Variants in METTL16 observed in about 807,000 individuals in gnomAD.
METTL16 encodes the protein methyltransferase 16, RNA N6-adenosine, also known as RNA N(6)-adenosine-methyltransferase METTL16.
Under a neutral mutation model 57.9 loss-of-function variants are expected in METTL16, and 19 were observed. That is an observed-to-expected ratio of 0.33 (90% CI 0.23 to 0.48). The LOEUF is 0.48. Ranked by LOEUF, METTL16 falls within the 20% of genes least tolerant of loss-of-function variation. The pLI is 0.99. For missense variants in METTL16, 434 were observed against 691.5 expected (o/e 0.63, Z 4.18); for synonymous variants, 246 against 255.6 (o/e 0.96, Z 0.36).
rs533874153 is a variant in METTL16, at chr17:2,467,498, C to T, written c.585+263G>A. Among the ~76,000 whole-genome samples, 7 of 152,066 alleles carry T rather than the reference C, an allele frequency of 4.6e-5. No homozygotes were observed. In the East Asian group the frequency reaches 7.7e-4, roughly 17 times the overall value. ...TGGAGTGCAATGGCGCAATCTTGGC[C>T]CACTGCAACCTCTGCCTCCCGGGTT... On this transcript the variant is annotated intron_variant, in intron 5 of 9. Coordinates refer to ENST00000263092, the MANE Select transcript of METTL16 (RefSeq NM_024086.4).
chr17:2,484,847 G>A (rs1360226570), intron 2 of METTL16, among the ~76,000 whole-genome samples: 1 of 152,110 alleles, frequency 6.6e-6, no homozygotes, highest in Non-Finnish European at 1.5e-5. Flanking sequence ...GGTTTTGCCA[G>A]CTCTCTAATA....
chr17:2,474,521 C>A (rs2067256852), intron 3 of METTL16, among the ~76,000 whole-genome samples: 1 of 151,982 alleles, frequency 6.6e-6, no homozygotes, highest in South Asian at 2.1e-4. Context: ...AAGGGAAGCA[C>A]TCAAGAGGCA....
chr17:2,463,708 C>G lies in METTL16; in HGVS notation c.728+500G>C, dbSNP rs145104561. ...AACTCCTAACCTTCTGATCTGCCCA[C>G]CTCGGCCTCCCAAAGTGCTGGGATT... On this transcript the variant is annotated intron_variant, in intron 6 of 9. Transcript: ENST00000263092. 6.4e-4 allele frequency among the ~76,000 whole-genome samples: 98 copies of G among 152,052 alleles called. 1 individual carries two copies. Among genetic ancestry groups the G allele is most frequent in the African/African-American group, 2.3e-3 (96 of 41,512 alleles).
At chr17:2,472,150 T>C (rs1162739748) in intron 4 of METTL16, among the ~76,000 whole-genome samples, 1 of 146,380 alleles carries the variant, frequency 6.8e-6, no homozygotes, top group Non-Finnish European at 1.5e-5. Flanking sequence ...TGAACAGACA[T>C]CTCACCAAAA....
intron 1 of METTL16, among the ~76,000 whole-genome samples, chr17:2,510,619 T>C (rs1442129977): frequency 1.3e-5 from 2 of 152,194 alleles, no homozygotes; most frequent in Non-Finnish European, 2.9e-5. Flanking sequence ...AATGAGTTCT[T>C]AGCTAAATAT....
intron 5 of METTL16, among the ~76,000 whole-genome samples, chr17:2,466,564 G>C (rs1460946304): frequency 1.3e-5 from 2 of 152,112 alleles, no homozygotes; most frequent in Non-Finnish European, 2.9e-5. Context: ...TGGGTTTTTA[G>C]GTACAGGACT....
chr17:2,428,745 A>G (rs1375123884), intron 8 of METTL16, among the ~76,000 whole-genome samples: 1 of 147,344 alleles, frequency 6.8e-6, no homozygotes, highest in African/African-American at 2.5e-5. Context: ...TAATAAAAAG[A>G]AAAAAAAAAG....
intron 6 of METTL16, among the ~76,000 whole-genome samples, chr17:2,441,858 T>C (rs2066954880): frequency 6.6e-6 from 1 of 152,198 alleles, no homozygotes; most frequent in African/African-American, 2.4e-5. Context: ...TCTGTCATGC[T>C]TACAACGAAG....
intron 6 of METTL16, chr17:2,455,309 A>T (rs1256739721): frequency 6.6e-6 from 1 of 152,074 alleles, no homozygotes; most frequent in East Asian, 1.9e-4. Context: ...ACTGGTCTCA[A>T]CTCCTGACCT....
At chr17:2,506,256 C>G in intron 1 of METTL16, among the ~76,000 whole-genome samples, 1 of 126,950 alleles carries the variant, frequency 7.9e-6, no homozygotes, top group South Asian at 3.2e-4. Flanking sequence ...CCCTCCCCCT[C>G]CCCCTCCCTC....
chr17:2,433,807 A>G (rs767097714), intron 8 of METTL16, among the ~76,000 whole-genome samples: 31 of 152,122 alleles, frequency 2.0e-4, no homozygotes, highest in Admixed American at 1.2e-3. Context: ...AACATACAAC[A>G]AACACTGGGA....
chr17:2,495,347 AAAG>A (rs1447986927), intron 2 of METTL16, among the ~76,000 whole-genome samples: 4 of 151,986 alleles, frequency 2.6e-5, no homozygotes, highest in African/African-American at 9.7e-5. Flanking sequence ...ACAAAAAATA[AAAG>A]AACATTTGGG....
At chr17:2,474,363 T>C (rs1203401258) in intron 3 of METTL16, among the ~76,000 whole-genome samples, 1 of 147,408 alleles carries the variant, frequency 6.8e-6, no homozygotes, top group Non-Finnish European at 1.5e-5. Context: ...TGTCTGTAAG[T>C]TGTCAGCTGA....
At chr17:2,435,881 G>A (rs1174970984) in intron 8 of METTL16, among the ~76,000 whole-genome samples, 1 of 152,124 alleles carries the variant, frequency 6.6e-6, no homozygotes, top group Non-Finnish European at 1.5e-5. Flanking sequence ...AAACAGAGGA[G>A]AGGAGGGGAG....
chr17:2,493,957 T>C (rs1164183111), intron 2 of METTL16, among the ~76,000 whole-genome samples: 2 of 152,202 alleles, frequency 1.3e-5, no homozygotes, highest in Non-Finnish European at 2.9e-5. Flanking sequence ...TCCTCAAGAC[T>C]GCCGTATCCT....
At chr17:2,496,515 T>A (rs564670053) in intron 2 of METTL16, among the ~76,000 whole-genome samples, 1 of 151,768 alleles carries the variant, frequency 6.6e-6, no homozygotes, top group Middle Eastern at 3.2e-3. Flanking sequence ...GTCTTCATCT[T>A]CACTGAAAGT....
chr17:2,442,691 C>T (rs929181785), intron 6 of METTL16, among the ~76,000 whole-genome samples: 2 of 152,174 alleles, frequency 1.3e-5, no homozygotes, highest in South Asian at 2.1e-4. Flanking sequence ...GGGGACGTCC[C>T]GCAGGTCCTA....
At chr17:2,476,561 G>T (rs1050815118) in intron 3 of METTL16, among the ~76,000 whole-genome samples, 2 of 152,166 alleles carry the variant, frequency 1.3e-5, no homozygotes, top group African/African-American at 4.8e-5. Context: ...AATAAATGCC[G>T]CTGAAAAGAT....
chr17:2,491,337 C>G (rs573506667), intron 2 of METTL16, among the ~76,000 whole-genome samples: 1 of 152,206 alleles, frequency 6.6e-6, no homozygotes, highest in Non-Finnish European at 1.5e-5. Context: ...TGCTCTACCA[C>G]TGATGAATAC....
Sources: gnomAD v4.1 joint callset for allele counts (sites outside exome capture counted in the v4.1 genomes callset) on GRCh38, gnomAD v4.1.1 for gene constraint, MANE v1.5 for transcripts, NCBI Gene and HGNC (gene_info 2026-07-23, HGNC 2026-07-21) for gene names.